Variants in GALNT3 observed in about 807,000 individuals in gnomAD.
GALNT3 encodes the protein polypeptide N-acetylgalactosaminyltransferase 3.
Under a neutral mutation model 69.8 loss-of-function variants are expected in GALNT3, and 51 were observed. The observed-to-expected ratio is 0.73, with a 90% CI of 0.58 to 0.92. GALNT3 has a LOEUF of 0.92. GALNT3 is among the 40% of genes least tolerant of loss of function. The pLI is 0.00. For missense variants in GALNT3, 711 were observed against 760.0 expected, an observed-to-expected ratio of 0.94 and a Z score of 0.76; for synonymous variants, 265 against 248.5, an observed-to-expected ratio of 1.07 and a Z score of -0.63.
intron 9 of GALNT3, 102 bp downstream of exon 9, chr2:165,754,525 T>C: frequency 1.2e-6 from 1 of 826,244 alleles, no homozygotes; most frequent in East Asian, 2.7e-5. Context: ...ACACACAGCT[T>C]ACCCAAGTAT....
At chr2:165,772,513 A>G (rs1478846044) in intron 1 of GALNT3, among the ~76,000 whole-genome samples, 2 of 129,298 alleles carry the variant, frequency 1.5e-5, no homozygotes, top group Non-Finnish European at 3.1e-5. Flanking sequence ...TGAGCTCAAG[A>G]GGTTAAGGCT....
At chr2:165,765,442 G>A (rs113815241) in intron 2 of GALNT3, among the ~76,000 whole-genome samples, 80 of 151,950 alleles carry the variant, frequency 5.3e-4, no homozygotes, top group African/African-American at 1.8e-3. Flanking sequence ...CTTATTTCAT[G>A]CAGAAATCAT....
In GALNT3 at chr2:165,764,821, A is replaced by C. The variant is rs1688608925; in HGVS notation, c.688+63T>G. On this transcript the variant is annotated intron_variant, in intron 3 of 10. Transcript: ENST00000392701. ...GCATACAGAGAGTACCACATAACCA[A>C]GTAGACTGTAGATACCACAATATGG... 2.6e-6 allele frequency: 4 copies of C among 1,539,362 alleles called. No individual in the cohort carries two copies. The Admixed American group carries it at 6.7e-5, about 26-fold the overall frequency.
At chr2:165,784,119 T>G (rs1683171682) in intron 1 of GALNT3, among the ~76,000 whole-genome samples, 1 of 152,170 alleles carries the variant, frequency 6.6e-6, no homozygotes, top group Non-Finnish European at 1.5e-5. Context: ...AGGGTAATTT[T>G]ACCCAGAACC....
chr2:165,770,212 A>T lies in GALNT3; in HGVS notation c.489T>A (p.Asp163Glu). Residue 163 changes from aspartate to glutamate, a missense_variant, in exon 2 of 11, where the codon GAT becomes GAA. Asp to Glu is a conservative substitution (Grantham distance 45). Coordinates refer to ENST00000392701, the MANE Select transcript of GALNT3 (RefSeq NM_004482.4). ...CAGGAGGTCGAGTGTCTGGTCCAAG[A>T]TCTCGGTGCAAAGAAATCCTGTCAC... is the stretch of plus-strand genomic sequence containing the variant. The part of the protein sequence containing the change: ...FASDRISLHR[D>E]LGPDTRPPEC... 1 of 1,614,114 alleles carries T rather than the reference A, an allele frequency of 6.2e-7. No individual in the cohort carries two copies. Among genetic ancestry groups the T allele is most frequent in the Non-Finnish European group, 8.5e-7 (1 of 1,180,006 alleles).
chr2:165,761,067 T>G (rs1342212864), intron 4 of GALNT3, among the ~76,000 whole-genome samples: 1 of 151,806 alleles, frequency 6.6e-6, no homozygotes, highest in African/African-American at 2.4e-5. Context: ...TTTTGTGGTT[T>G]TTATTGAAAA....
rs771512636 is a variant in GALNT3, at chr2:165,749,730, G to T, written c.1779+12C>A. On this transcript the variant is annotated intron_variant, in intron 10 of 10. Transcript: ENST00000392701. The stretch of plus-strand genomic sequence containing the variant: ...AAATAGTTAAATAGATGAATTAATT[G>T]CACTGAGGTACCTTCTGGATCTCCC... 14 of 1,611,138 alleles carry T rather than the reference G, an allele frequency of 8.7e-6. No individual in the cohort carries two copies. In the South Asian group the frequency reaches 1.4e-4, roughly 16 times the overall value.
At chr2:165,768,697 T>C (rs968412249) in intron 2 of GALNT3, among the ~76,000 whole-genome samples, 2 of 152,004 alleles carry the variant, frequency 1.3e-5, no homozygotes, top group African/African-American at 4.8e-5. Context: ...CCAAAAGTTA[T>C]CTTCAAGTTC....
In GALNT3 at chr2:165,772,584, CAAAAA is replaced by C. The variant is rs375725339; in HGVS notation, c.-108-1781_-108-1777del. 6.9e-3 allele frequency among the ~76,000 whole-genome samples: 461 copies of C among 66,970 alleles called. 2 individuals are homozygous for C. The highest frequency in any genetic ancestry group is 0.027 in the African/African-American group (428 of 15,992). 43.9% of individuals were successfully genotyped at this position (66,970 alleles called of 152,430 possible). On this transcript the variant is annotated intron_variant, in intron 1 of 10. Coordinates refer to ENST00000392701, the MANE Select transcript of GALNT3 (RefSeq NM_004482.4). The stretch of plus-strand genomic sequence containing the variant: ...TGGGTAGCAGGACAAGACTCTGTCT[CAAAAA>C]AAAAAAAAAAAAAAAAAAAAGGGAA...
At chr2:165,789,356 G>A (rs1683295137) in intron 1 of GALNT3, among the ~76,000 whole-genome samples, 1 of 152,070 alleles carries the variant, frequency 6.6e-6, no homozygotes, top group African/African-American at 2.4e-5. Context: ...AAAAACACAC[G>A]AGGCCAAGGC....
intron 7 of GALNT3, among the ~76,000 whole-genome samples, chr2:165,755,960 G>T (rs927210165): frequency 2.0e-5 from 3 of 152,068 alleles, no homozygotes; most frequent in African/African-American, 7.2e-5. Context: ...CCTTTGTGGG[G>T]GACAAGCAGA....
Position 165,770,461 on chromosome 2 carries a change from C to T in GALNT3, c.240G>A (p.Met80Ile). Residue 80 changes from methionine (M) to isoleucine (I), a missense_variant, in exon 2 of 11, where the codon ATG becomes ATA. By Grantham distance (10) the Met-to-Ile change is conservative (BLOSUM62 1). Transcript: ENST00000392701. ...VNNIKDAMPK[M>I]QIGAPVRQNI... ...TTTGCCTGACAGGTGCTCCTATTTG[C>T]ATTTTTGGCATGGCATCCTTAATAT... is the stretch of plus-strand genomic sequence containing the variant. 1 of 1,614,218 alleles carries T rather than the reference C, an allele frequency of 6.2e-7. No individual in the cohort carries two copies. Among genetic ancestry groups the T allele is most frequent in the Non-Finnish European group, 8.5e-7 (1 of 1,180,038 alleles).
At chr2:165,769,437 T>TAATAATA (rs372741283) in intron 2 of GALNT3, among the ~76,000 whole-genome samples, 48 of 118,002 alleles carry the variant, frequency 4.1e-4, no homozygotes, top group East Asian at 8.0e-4. Flanking sequence ...ATAATAATAA[T>TAATAATA]AATAAATAAA....
chr2:165,764,074 A>T (rs1018889009), intron 3 of GALNT3, among the ~76,000 whole-genome samples: 1 of 152,220 alleles, frequency 6.6e-6, no homozygotes, highest in African/African-American at 2.4e-5. Context: ...CACAATATTT[A>T]AAATACTTAT....
At chr2:165,760,949 C>A (rs1558997281) in intron 4 of GALNT3, among the ~76,000 whole-genome samples, 1 of 152,122 alleles carries the variant, frequency 6.6e-6, no homozygotes, top group Admixed American at 6.5e-5. Context: ...AAACCAACAG[C>A]AGCAAAGTCA....
At chr2:165,754,869 G>A in intron 8 of GALNT3, 63 bp downstream of exon 8, 4 of 1,559,906 alleles carry the variant, frequency 2.6e-6, no homozygotes, top group Non-Finnish European at 3.5e-6. Flanking sequence ...AATTTTCTTA[G>A]AACCACATAA....
chr2:165,794,632 C>A (rs183936002), upstream of GALNT3: 1 of 152,288 alleles, frequency 6.6e-6, no homozygotes, highest in African/African-American at 2.4e-5. Flanking sequence ...AGGACCACTT[C>A]GGGAGGGCAG....
chr2:165,748,215 C>T lies in GALNT3; in HGVS notation c.*566G>A. Reference sequence around the variant, plus strand: ...ATTTAAGTGTTAAAAATACTCTTCTCCTTATTCAGTTTCATGTTTAAGGAA... The same window carrying T: ...ATTTAAGTGTTAAAAATACTCTTCTTCTTATTCAGTTTCATGTTTAAGGAA... On this transcript the variant is annotated 3_prime_UTR_variant, in exon 11 of 11. Transcript: ENST00000392701. 1 of 199,328 alleles carries T rather than the reference C, an allele frequency of 5.0e-6. No individual in the cohort carries two copies. Among genetic ancestry groups the T allele is most frequent in the South Asian group, 1.9e-4 (1 of 5,276 alleles). 12.3% of individuals were successfully genotyped at this position (199,328 alleles called of 1,614,324 possible).
Position 165,755,049 on chromosome 2 carries a change from A to T in GALNT3, c.1407T>A (p.Asp469Glu). 2 of 1,612,480 alleles carry T rather than the reference A, an allele frequency of 1.2e-6. No homozygotes were observed. Among genetic ancestry groups the T allele is most frequent in the Non-Finnish European group, 1.7e-6 (2 of 1,178,706 alleles). The part of the protein sequence containing the change: ...AKIVKQKAFG[D>E]LSKRFEIKHR... Reference sequence around the variant, plus strand: ...GTTTTATTTCAAATCTTTTTGAAAGATCACCAAATGCTTTCTGTAGAAACA... The same window carrying T: ...GTTTTATTTCAAATCTTTTTGAAAGTTCACCAAATGCTTTCTGTAGAAACA... The change falls in exon 8 of 11, where the codon GAT (aspartate) becomes GAA (glutamate). Residue 469 changes from aspartate (D) to glutamate (E), a missense_variant. By Grantham distance (45) the Asp-to-Glu change is conservative. Coordinates refer to ENST00000392701, the MANE Select transcript of GALNT3 (RefSeq NM_004482.4).
Sources: gnomAD v4.1 joint callset for allele counts (sites outside exome capture counted in the v4.1 genomes callset) on GRCh38, gnomAD v4.1.1 for gene constraint, MANE v1.5 for transcripts, NCBI Gene and HGNC (gene_info 2026-07-23, HGNC 2026-07-21) for gene names.